The following TDO2 variants were observed in gnomAD, a reference collection of about 807,000 sequenced individuals.
TDO2 encodes tryptophan 2,3-dioxygenase, also known as tryptamin 2,3-dioxygenase.
TDO2 carries 63 observed loss-of-function variants against 61.2 expected under a neutral mutation model. That is an observed-to-expected ratio of 1.03 (90% CI 0.84 to 1.27). The LOEUF (loss-of-function observed/expected upper bound fraction) is 1.27, where lower values mean the gene tolerates loss of function less well. TDO2 is among the 50% of genes most tolerant of loss of function. The pLI, the probability that TDO2 is intolerant of heterozygous loss-of-function variation, is 0.00. For missense variants in TDO2, 494 were observed against 469.5 expected, an observed-to-expected ratio of 1.05 and a Z score of -0.48; for synonymous variants, 183 against 164.0, an observed-to-expected ratio of 1.12 and a Z score of -0.89.
At chr4:155,916,674 A>G (rs1228241784) in intron 9 of TDO2, among the ~76,000 whole-genome samples, 2 of 152,178 alleles carry the variant, frequency 1.3e-5, no homozygotes, top group Non-Finnish European at 2.9e-5. Flanking sequence ...TTCCTGAAAT[A>G]TTGACTCACT....
At position 155,911,568 on chromosome 4, in the gene TDO2, C is replaced by T; in HGVS notation, c.690C>T (p.Ile230=). Residue 230 remains isoleucine, a synonymous_variant, in exon 7 of 12, where the codon ATC becomes ATT. Coordinates refer to ENST00000536354, the MANE Select transcript of TDO2 (RefSeq NM_005651.4). The part of the protein sequence containing the change: ...FNFWGKLEKN[I]TRGLEEEFIR... ...TCTGGGGAAAGCTTGAAAAAAATATCACCAGAGGCCTGGAAGAGGAATTCA... is the reference window on the plus strand; with the variant it reads ...TCTGGGGAAAGCTTGAAAAAAATATTACCAGAGGCCTGGAAGAGGAATTCA... The T allele has an allele frequency of 1.3e-6, 2 of 1,590,224 alleles. No individual in the cohort carries two copies. The highest frequency in any genetic ancestry group is 1.1e-5 in the South Asian group (1 of 88,784).
intron 11 of TDO2, chr4:155,918,727 T>C (rs1742989240): frequency 6.5e-6 from 1 of 154,470 alleles, no homozygotes; most frequent in Non-Finnish European, 1.4e-5. Flanking sequence ...GAGATCAACA[T>C]TTATTGAGGA....
chr4:155,906,550 T>C (rs143561383), intron 3 of TDO2: 1 of 152,268 alleles, frequency 6.6e-6, no homozygotes, highest in African/African-American at 2.4e-5. Context: ...AATTATTACA[T>C]TGTCTATTTA....
chr4:155,913,065 A>G (rs888026071), intron 7 of TDO2, among the ~76,000 whole-genome samples: 10 of 151,894 alleles, frequency 6.6e-5, no homozygotes, highest in African/African-American at 2.4e-4. Flanking sequence ...TACCACTACC[A>G]CTCAAGTGCA....
intron 6 of TDO2, among the ~76,000 whole-genome samples, chr4:155,911,278 C>G (rs892098710): frequency 6.6e-6 from 1 of 151,642 alleles, no homozygotes; most frequent in Non-Finnish European, 1.5e-5. Context: ...AAAGAGTAAA[C>G]ATTATTAACC....
At position 155,907,504 on chromosome 4, in the gene TDO2, G is replaced by A. The variant is rs995939916; in HGVS notation, c.233-218G>A. On this transcript the variant is annotated intron_variant, in intron 3 of 11. Transcript: ENST00000536354. ...TAATAATAATGAATATGAAGCATTA[G>A]GTAACATGTCTAGCATATTAAAACA... The A allele has an allele frequency of 1.0e-5, 5 of 490,068 alleles. No homozygotes were observed. In the Admixed American group the frequency reaches 1.9e-4, roughly 19 times the overall value. 30.4% of individuals were successfully genotyped at this position (490,068 alleles called of 1,614,324 possible).
intron 7 of TDO2, among the ~76,000 whole-genome samples, chr4:155,913,140 A>G (rs1450901620): frequency 1.3e-5 from 2 of 152,134 alleles, no homozygotes; most frequent in Non-Finnish European, 2.9e-5. Context: ...CCTTCCCAGT[A>G]TGCCTCTATT....
intron 9 of TDO2, among the ~76,000 whole-genome samples, chr4:155,916,612 T>TA (rs1403999043): frequency 2.0e-5 from 3 of 152,100 alleles, no homozygotes; most frequent in African/African-American, 7.2e-5. Flanking sequence ...CTGTACCACT[T>TA]ATTCAGCAAT....
chr4:155,905,596 A>G (rs989508235), intron 3 of TDO2: 4 of 153,492 alleles, frequency 2.6e-5, no homozygotes, highest in Non-Finnish European at 5.8e-5. Flanking sequence ...CCAGATTTCT[A>G]TAATGATTTC....
rs1432798455 is a variant in TDO2, at chr4:155,904,134, G to A, written c.141+11G>A. ...GGGAACTACCTGCATGTAAGTGGCA[G>A]GGTCCTTACAGGGTTTGGTGTCCAT... is the stretch of plus-strand genomic sequence containing the variant. On this transcript the variant is annotated intron_variant, in intron 2 of 11. Coordinates refer to ENST00000536354, the MANE Select transcript of TDO2 (RefSeq NM_005651.4). 6.3e-7 allele frequency: 1 copy of A among 1,597,978 alleles called. No individual in the cohort carries two copies.
At chr4:155,907,332 G>C (rs1742736507) in intron 3 of TDO2, 1 of 161,526 alleles carries the variant, frequency 6.2e-6, no homozygotes, top group Non-Finnish European at 1.3e-5. Context: ...ATTTAGGTTA[G>C]GAAATATTAA....
chr4:155,915,754 A>G (rs1373489590), intron 8 of TDO2, 101 bp from the exon 9 acceptor site: 2 of 886,442 alleles, frequency 2.3e-6, no homozygotes, highest in Non-Finnish European at 3.4e-6. Context: ...TTGATTTCTA[A>G]ACACATGTAA....
chr4:155,913,923 C>G (rs1742884640), intron 7 of TDO2, among the ~76,000 whole-genome samples: 1 of 151,986 alleles, frequency 6.6e-6, no homozygotes, highest in African/African-American at 2.4e-5. Flanking sequence ...CATAGAATTT[C>G]AATAGGTTTA....
At chr4:155,913,001 A>G (rs1436331129) in intron 7 of TDO2, among the ~76,000 whole-genome samples, 5 of 152,212 alleles carry the variant, frequency 3.3e-5, no homozygotes, top group Non-Finnish European at 5.9e-5. Flanking sequence ...TCTTCAAGCT[A>G]TCATCAAGTC....
intron 9 of TDO2, among the ~76,000 whole-genome samples, chr4:155,916,994 A>C (rs1742952600): frequency 6.6e-6 from 1 of 152,062 alleles, no homozygotes; most frequent in Non-Finnish European, 1.5e-5. Flanking sequence ...AAAAAACAAA[A>C]CAAAAAAACA....
At chr4:155,906,689 G>GGAC (rs895271147) in intron 3 of TDO2, 3 of 152,134 alleles carry the variant, frequency 2.0e-5, no homozygotes, top group African/African-American at 7.2e-5. Context: ...ACTATGGGAA[G>GGAC]GACAAATCAA....
intron 9 of TDO2, among the ~76,000 whole-genome samples, chr4:155,916,902 C>A (rs1475219276): frequency 6.6e-6 from 1 of 151,544 alleles, no homozygotes; most frequent in African/African-American, 2.4e-5. Context: ...GCCAATTAGG[C>A]ATATGTGTCC....
intron 9 of TDO2, among the ~76,000 whole-genome samples, 159 bp downstream of exon 9, chr4:155,916,071 G>A (rs35631700): frequency 0.044 from 6,667 of 150,738 alleles, 185 homozygotes; most frequent in Middle Eastern, 0.073. Context: ...TTATGCCCCC[G>A]TCCCTTTTTT....
At chr4:155,910,506 T>A (rs34051837) in intron 6 of TDO2, among the ~76,000 whole-genome samples, 6,679 of 152,210 alleles carry the variant, frequency 0.044, 188 homozygotes, top group Middle Eastern at 0.071. Flanking sequence ...AAGTAACACT[T>A]AATTAGCTGA....
Sources: allele counts gnomAD v4.1 joint callset (sites outside exome capture counted in the v4.1 genomes callset), GRCh38; gene constraint gnomAD v4.1.1; transcripts MANE v1.5; gene names NCBI Gene and HGNC (gene_info 2026-07-23, HGNC 2026-07-21).